The following GRIK3 variants were observed in gnomAD, a reference collection of about 807,000 sequenced individuals.
GRIK3 encodes the protein glutamate ionotropic receptor kainate type subunit 3, also known as glutamate receptor ionotropic, kainate 3.
In GRIK3, 29 loss-of-function variants were observed where a neutral mutation model predicts 102.5. The ratio of observed to expected loss-of-function variants is 0.28; its 90% CI spans 0.21 to 0.39. The LOEUF (loss-of-function observed/expected upper bound fraction) is 0.39. Among genes scored for constraint, GRIK3 ranks in the 10% least tolerant of loss-of-function variants. The pLI is 1.00. For missense variants in GRIK3, 908 were observed against 1,252.4 expected, an observed-to-expected ratio of 0.73 and a Z score of 4.15; for synonymous variants, 511 against 504.9, an observed-to-expected ratio of 1.01 and a Z score of -0.16.
chr1:36,813,196 T>C (rs1050017380), intron 13 of GRIK3, among the ~76,000 whole-genome samples: 1 of 152,220 alleles, frequency 6.6e-6, no homozygotes, highest in Admixed American at 6.5e-5. Context: ...GCAAGTCAGT[T>C]AGCCTCTCTG....
At chr1:36,944,010 G>T (rs1199539417) in intron 1 of GRIK3, among the ~76,000 whole-genome samples, 1 of 152,164 alleles carries the variant, frequency 6.6e-6, no homozygotes, top group African/African-American at 2.4e-5. Flanking sequence ...CCTGGCCCTT[G>T]GTAGCTTCTT....
At chr1:36,951,534 A>G (rs1641843440) in intron 1 of GRIK3, among the ~76,000 whole-genome samples, 2 of 152,286 alleles carry the variant, frequency 1.3e-5, no homozygotes, top group South Asian at 2.1e-4. Context: ...CTTCTGTCCT[A>G]CTTATGTCGA....
chr1:36,822,227 A>G (rs1642702801), intron 11 of GRIK3, among the ~76,000 whole-genome samples: 2 of 152,220 alleles, frequency 1.3e-5, no homozygotes, highest in Non-Finnish European at 2.9e-5. Flanking sequence ...GGAGAATGCT[A>G]AAGTGTGGCT....
intron 13 of GRIK3, among the ~76,000 whole-genome samples, chr1:36,813,753 CG>C (rs1430260488): frequency 1.9e-5 from 1 of 51,610 alleles, no homozygotes; most frequent in Non-Finnish European, 3.9e-5. Context: ...TCAGCGGGGG[CG>C]GGGCGGGGGG....
At chr1:36,949,568 CTCTTTCTTTTTTT>C (rs1557436905) in intron 1 of GRIK3, among the ~76,000 whole-genome samples, 1 of 143,414 alleles carries the variant, frequency 7.0e-6, no homozygotes, top group East Asian at 2.0e-4. Flanking sequence ...TTCTCTCTCT[CTCTTTCTTTTTTT>C]TTTTTTTTTT....
intron 10 of GRIK3, among the ~76,000 whole-genome samples, chr1:36,833,850 C>T (rs1408565588): frequency 1.3e-5 from 2 of 152,216 alleles, no homozygotes; most frequent in Admixed American, 6.5e-5. Flanking sequence ...GTTTCTGCTG[C>T]ATAACCAGTT....
intron 1 of GRIK3, among the ~76,000 whole-genome samples, chr1:36,902,761 GA>G (rs1641245278): frequency 6.6e-6 from 1 of 152,106 alleles, no homozygotes; most frequent in African/African-American, 2.4e-5. Context: ...AATGAAAAAT[GA>G]AGCCACTGAC....
chr1:37,021,593 G>C (rs896777279), intron 1 of GRIK3, among the ~76,000 whole-genome samples: 1 of 152,206 alleles, frequency 6.6e-6, no homozygotes, highest in Non-Finnish European at 1.5e-5. Flanking sequence ...CTGATTCAAT[G>C]TTACGAGACA....
At chr1:36,944,569 A>C (rs1254147707) in intron 1 of GRIK3, among the ~76,000 whole-genome samples, 1 of 152,190 alleles carries the variant, frequency 6.6e-6, no homozygotes, top group East Asian at 1.9e-4. Flanking sequence ...CCAGAGCCAG[A>C]TCAGAAGGGA....
Position 36,933,122 on chromosome 1 carries a change from C to T in GRIK3, c.116-42026G>A, listed in dbSNP as rs1375054543. ...ATAGAGAACAAAGCCTACACTAAAGCGGCTTGTCACTGAGCAAGCTGAACT... is the reference window on the plus strand; with the variant it reads ...ATAGAGAACAAAGCCTACACTAAAGTGGCTTGTCACTGAGCAAGCTGAACT... On this transcript the variant is annotated intron_variant, in intron 1 of 15. Transcript: ENST00000373091. Among the ~76,000 whole-genome samples the T allele has an allele frequency of 2.6e-5, 4 of 152,128 alleles. No individual in the cohort carries two copies. In the East Asian group the frequency reaches 5.8e-4, roughly 22 times the overall value.
rs780893180 is a variant in GRIK3, at chr1:36,819,654, G to A, written c.1873+82C>T. The A allele has an allele frequency of 3.9e-6, 3 of 772,144 alleles. No individual in the cohort carries two copies. The highest frequency in any genetic ancestry group is 7.1e-6 in the Non-Finnish European group (3 of 424,496). The allele number at this position is 772,144 out of a possible 1,614,324, so 47.8% of individuals were successfully genotyped here. On this transcript the variant is annotated intron_variant, in intron 12 of 15. Coordinates refer to ENST00000373091, the MANE Select transcript of GRIK3 (RefSeq NM_000831.4). The surrounding 1 kb of genome is among the most constrained non-coding windows in gnomAD (Gnocchi z 4.1). ...GAGGCTACCCCTAGAGGTGTGGGCT[G>A]GCTCTGCTGATGCCAAAGAGGCTGA...
At chr1:36,888,939 G>A (rs1016217386) in intron 2 of GRIK3, among the ~76,000 whole-genome samples, 10 of 152,044 alleles carry the variant, frequency 6.6e-5, no homozygotes, top group African/African-American at 1.7e-4. Flanking sequence ...TGCAGGGATC[G>A]TAAGGAACAA....
At chr1:36,929,434 T>C (rs1641564163) in intron 1 of GRIK3, among the ~76,000 whole-genome samples, 1 of 152,202 alleles carries the variant, frequency 6.6e-6, no homozygotes, top group African/African-American at 2.4e-5. Context: ...AAGATTATAG[T>C]ACATTGGTAA....
intron 1 of GRIK3, among the ~76,000 whole-genome samples, chr1:37,025,726 G>A (rs748552307): frequency 1.4e-4 from 21 of 152,130 alleles, no homozygotes; most frequent in Admixed American, 6.6e-4. Flanking sequence ...CCCTTCCATC[G>A]GCAGCCTGTC....
At chr1:37,025,113 T>C (rs1156837469) in intron 1 of GRIK3, among the ~76,000 whole-genome samples, 1 of 152,150 alleles carries the variant, frequency 6.6e-6, no homozygotes, top group Non-Finnish European at 1.5e-5. Context: ...GGGAGACACA[T>C]GTTAGCTTTT....
chr1:36,970,184 A>T (rs1642126350), intron 1 of GRIK3, among the ~76,000 whole-genome samples: 1 of 152,120 alleles, frequency 6.6e-6, no homozygotes, highest in African/African-American at 2.4e-5. Context: ...AACCAACTAC[A>T]CAGTTTCTGC....
At chr1:36,929,834 G>A (rs1270182714) in intron 1 of GRIK3, among the ~76,000 whole-genome samples, 3 of 152,266 alleles carry the variant, frequency 2.0e-5, no homozygotes, top group Non-Finnish European at 2.9e-5. Context: ...TCGTTGGATG[G>A]TTCTGGCTTA....
intron 5 of GRIK3, among the ~76,000 whole-genome samples, chr1:36,863,141 C>T (rs1264859675): frequency 6.6e-6 from 1 of 152,136 alleles, no homozygotes; most frequent in Non-Finnish European, 1.5e-5. Flanking sequence ...CTGAACCACA[C>T]AGATATTAGG....
At chr1:36,859,661 C>G (rs925643529) in intron 6 of GRIK3, among the ~76,000 whole-genome samples, 183 bp downstream of exon 6, 1 of 152,180 alleles carries the variant, frequency 6.6e-6, no homozygotes, top group Non-Finnish European at 1.5e-5. Flanking sequence ...CAGATGGGTC[C>G]CTTGGGGAGG....
Sources: gnomAD v4.1 joint callset for allele counts (sites outside exome capture counted in the v4.1 genomes callset) on GRCh38, gnomAD v4.1.1 for gene constraint, Gnocchi (gnomAD v3.1) non-coding constraint, MANE v1.5 for transcripts, NCBI Gene and HGNC (gene_info 2026-07-23, HGNC 2026-07-21) for gene names.